The following ALDH9A1 variants were observed in gnomAD, a reference collection of about 807,000 sequenced individuals.
ALDH9A1 encodes the protein 4-trimethylaminobutyraldehyde dehydrogenase.
Under a neutral mutation model 56.6 loss-of-function variants are expected in ALDH9A1, and 42 were observed. The ratio of observed to expected loss-of-function variants is 0.74; its 90% confidence interval spans 0.58 to 0.96. ALDH9A1 has a LOEUF of 0.96. ALDH9A1 is among the 40% of genes least tolerant of loss of function. The probability of loss-of-function intolerance (pLI) is 0.00; values close to 1 mark genes in which losing one functional copy is unlikely to be tolerated. For missense variants in ALDH9A1, 661 were observed against 651.5 expected (o/e 1.01, Z -0.16); for synonymous variants, 242 against 236.0 (o/e 1.03, Z -0.23).
At chr1:165,689,866 G>A (rs955805677) in intron 2 of ALDH9A1, among the ~76,000 whole-genome samples, 9 of 151,364 alleles carry the variant, frequency 5.9e-5, no homozygotes, top group East Asian at 1.9e-4. Context: ...CCCAGGAGGC[G>A]GAGGTTGCAG....
Position 165,698,403 on chromosome 1 carries a change from G to C in ALDH9A1, c.156C>G (p.Thr52=), listed in dbSNP as rs752291555. The change falls in exon 1 of 11, where the codon ACC becomes ACG. Residue 52 remains threonine (T), a synonymous_variant. Coordinates refer to ENST00000354775, the MANE Select transcript of ALDH9A1 (RefSeq NM_000696.4). ...ARVEPADASG[T]EKAFEPATGR... is the part of the protein sequence containing the mutation. Reference sequence around the variant, plus strand: ...CGGTTGCTGGCTCGAAAGCTTTCTCGGTACCGGAGGCGTCCGCCGGCTCCA... The same window carrying C: ...CGGTTGCTGGCTCGAAAGCTTTCTCCGTACCGGAGGCGTCCGCCGGCTCCA... 9.2e-5 allele frequency: 147 copies of C among 1,596,172 alleles called. No individual in the cohort carries two copies. The highest frequency in any genetic ancestry group is 1.2e-4 in the Non-Finnish European group (144 of 1,172,780).
At chr1:165,671,104 T>G (rs1173540673) in intron 6 of ALDH9A1, among the ~76,000 whole-genome samples, 1 of 152,080 alleles carries the variant, frequency 6.6e-6, no homozygotes, top group African/African-American at 2.4e-5. Flanking sequence ...ACAAACAAAC[T>G]GAAATTAAAA....
At chr1:165,673,089 AC>A (rs1649234070) in intron 6 of ALDH9A1, among the ~76,000 whole-genome samples, 2 of 141,466 alleles carry the variant, frequency 1.4e-5, no homozygotes, top group South Asian at 4.7e-4. Flanking sequence ...AGGAACTCAC[AC>A]TATTCAATTG....
intron 6 of ALDH9A1, among the ~76,000 whole-genome samples, chr1:165,672,579 G>A (rs964223750): frequency 5.9e-5 from 9 of 152,084 alleles, no homozygotes; most frequent in Non-Finnish European, 1.0e-4. Flanking sequence ...TTCTAGAGAT[G>A]AATAATGATG....
chr1:165,682,063 G>A, intron 4 of ALDH9A1, 44 bp downstream of exon 4: 3 of 1,608,638 alleles, frequency 1.9e-6, no homozygotes, highest in South Asian at 2.2e-5. Flanking sequence ...ACGAACGAGA[G>A]AATGAACGAA....
rs1165035831 is a variant in ALDH9A1, at chr1:165,672,818, T to G, written c.931-3368A>C. 2.6e-5 allele frequency among the ~76,000 whole-genome samples: 4 copies of G among 151,782 alleles called. No homozygotes were observed. In the East Asian group the frequency reaches 7.7e-4, roughly 29 times the overall value. ...CAGGCATGGTGCCACATGCCTATAG[T>G]CCCAGCTACCCAGGAGGCTGAAGTG... On this transcript the variant is annotated intron_variant, in intron 6 of 10. Coordinates refer to ENST00000354775, the MANE Select transcript of ALDH9A1 (RefSeq NM_000696.4).
chr1:165,668,129 T>C (rs796115979), intron 8 of ALDH9A1, among the ~76,000 whole-genome samples: 7 of 152,340 alleles, frequency 4.6e-5, no homozygotes, highest in African/African-American at 1.4e-4. Flanking sequence ...TATTAAATTA[T>C]GTAATTTCTA....
In ALDH9A1 at chr1:165,695,315, T is replaced by G; in HGVS notation, c.264A>C (p.Ile88=). ...GCTCCATGCCAGATTTTTGACTCCA[T>G]ATTTTAAAAGCAGCCTTTGCATTTT... is the stretch of plus-strand genomic sequence containing the variant. ...AVQNAKAAFK[I]WSQKSGMERC... The change falls in exon 2 of 11, where the codon ATA becomes ATC. Residue 88 remains isoleucine (I), a synonymous_variant. Coordinates refer to ENST00000354775, the MANE Select transcript of ALDH9A1 (RefSeq NM_000696.4). 1 of 1,613,392 alleles carries G rather than the reference T, an allele frequency of 6.2e-7. No homozygotes were observed. The highest frequency in any genetic ancestry group is 1.7e-5 in the Admixed American group (1 of 59,938).
rs1464469143 is a variant in ALDH9A1, at chr1:165,669,305, T to A, written c.1076A>T (p.His359Leu). Residue 359 changes from histidine to leucine, a missense_variant, in exon 7 of 11, where the codon CAC becomes CTC. His to Leu is a moderately conservative substitution (Grantham distance 99, BLOSUM62 -3). Transcript: ENST00000354775. ...TRMGPLINRP[H>L]LERVLGFVKV... ...GACAAACCCAAGGACTCGCTCCAGG[T>A]GTGGTCGGTTGATGAGTGGACCCAT... The A allele has an allele frequency of 6.2e-7, 1 of 1,613,230 alleles. No individual in the cohort carries two copies.
intron 8 of ALDH9A1, among the ~76,000 whole-genome samples, chr1:165,668,442 TG>T (rs1353092212): frequency 6.6e-6 from 1 of 152,158 alleles, no homozygotes; most frequent in African/African-American, 2.4e-5. Flanking sequence ...CCTTCCACCA[TG>T]ACTGAAATCT....
rs764662044 is a variant in ALDH9A1, at chr1:165,680,730, T to G, written c.593-47A>C. On this transcript the variant is annotated intron_variant, in intron 4 of 10. Transcript: ENST00000354775. ...ACATAAAAAGACTTTCTAAGACCAG[T>G]GATCCCCTGAAAACAGGACTAGAGG... 2.0e-6 allele frequency: 3 copies of G among 1,524,444 alleles called. No homozygotes were observed. In the South Asian group the frequency reaches 3.8e-5, roughly 19 times the overall value. The allele number at this position is 1,524,444 out of a possible 1,614,324, so 94.4% of individuals were successfully genotyped here.
At position 165,665,128 on chromosome 1, in the gene ALDH9A1, T is replaced by C; in HGVS notation, c.1352A>G (p.Asp451Gly). Residue 451 changes from aspartate to glycine, a missense_variant and splice_region_variant, in exon 10 of 11, where the codon GAC (aspartate) becomes GGC (glycine). Asp to Gly is a moderately conservative substitution (Grantham distance 94, BLOSUM62 -1). Transcript: ENST00000354775. Reference sequence around the variant, plus strand: ...TACCACTCTATGAGCCCGTTGGATGTCCCTATGAAGAAAAAAAAAATGTGT... The same window carrying C: ...TACCACTCTATGAGCCCGTTGGATGCCCCTATGAAGAAAAAAAAAATGTGT... ...FGLAAGVFTRDIQRAHRVVAE... is the reference protein window; with the variant it reads ...FGLAAGVFTRGIQRAHRVVAE... 6.2e-7 allele frequency: 1 copy of C among 1,613,110 alleles called. No homozygotes were observed. Among genetic ancestry groups the C allele is most frequent in the Non-Finnish European group, 8.5e-7 (1 of 1,179,588 alleles).
intron 6 of ALDH9A1, chr1:165,671,713 C>A: frequency 2.5e-6 from 1 of 405,564 alleles, no homozygotes; most frequent in South Asian, 2.0e-5. Flanking sequence ...CATATACAGC[C>A]TCTGCCCTGG....
intron 10 of ALDH9A1, among the ~76,000 whole-genome samples, chr1:165,664,384 C>T (rs1648940204): frequency 6.6e-6 from 1 of 152,214 alleles, no homozygotes; most frequent in East Asian, 1.9e-4. Flanking sequence ...GGCTATACTC[C>T]TGATGCCTCA....
At chr1:165,689,465 T>C (rs1244566667) in intron 2 of ALDH9A1, among the ~76,000 whole-genome samples, 1 of 152,156 alleles carries the variant, frequency 6.6e-6, no homozygotes, top group Non-Finnish European at 1.5e-5. Flanking sequence ...GTAATCTCAA[T>C]CTCTCTCACT....
At chr1:165,666,848 ATAT>A (rs1649024806) in intron 9 of ALDH9A1, among the ~76,000 whole-genome samples, 1 of 152,228 alleles carries the variant, frequency 6.6e-6, no homozygotes, top group Non-Finnish European at 1.5e-5. Context: ...GATATTAATC[ATAT>A]TACTATAATA....
rs1650033927 is a variant in ALDH9A1 at position 165,695,247 on chromosome 1, C to T, written c.327+5G>A. 1.2e-6 allele frequency: 2 copies of T among 1,601,028 alleles called. No homozygotes were observed. Among genetic ancestry groups the T allele is most frequent in the South Asian group, 1.1e-5 (1 of 88,718 alleles). ...AGTTCTGGAAGGAAATAAATTGGAA[C>T]ATACCCTTATTATCCTGGCAGCCTC... On this transcript the variant is annotated splice_donor_5th_base_variant and intron_variant, in intron 2 of 10. Coordinates refer to ENST00000354775, the MANE Select transcript of ALDH9A1 (RefSeq NM_000696.4).
intron 2 of ALDH9A1, among the ~76,000 whole-genome samples, chr1:165,691,967 A>T (rs1649905604): frequency 6.6e-6 from 1 of 152,194 alleles, no homozygotes; most frequent in Admixed American, 6.5e-5. Flanking sequence ...CAAAGACAAA[A>T]ACCACGACTA....
chr1:165,694,743 G>A (rs748683952), intron 2 of ALDH9A1, among the ~76,000 whole-genome samples: 6 of 152,092 alleles, frequency 3.9e-5, no homozygotes, highest in Admixed American at 6.5e-5. Context: ...GATCACTTGA[G>A]GTCAGGAGTT....
Sources: gnomAD v4.1 joint callset for allele counts (sites outside exome capture counted in the v4.1 genomes callset) on GRCh38, gnomAD v4.1.1 for gene constraint, MANE v1.5 for transcripts, NCBI Gene and HGNC (gene_info 2026-07-23, HGNC 2026-07-21) for gene names.